Variants in WDR33 observed in about 807,000 individuals in gnomAD.
WDR33 encodes the protein pre-mRNA 3' end processing protein WDR33.
WDR33 carries 47 observed loss-of-function variants against 164.9 expected under a neutral mutation model. That is an observed-to-expected ratio of 0.29 (90% CI 0.23 to 0.36). The LOEUF is 0.36. Among genes scored for constraint, WDR33 ranks in the 10% least tolerant of loss-of-function variants. The pLI is 1.00. For synonymous variants in WDR33, 505 were observed against 589.0 expected, an observed-to-expected ratio of 0.86 and a Z score of 2.06; for missense variants, 1,137 against 1,754.1, an observed-to-expected ratio of 0.65 and a Z score of 6.28.
At position 127,720,678 on chromosome 2, in the gene WDR33, C is replaced by T. The variant is rs1200027795; in HGVS notation, c.1672-325G>A. 6.6e-6 allele frequency among the ~76,000 whole-genome samples: 1 copy of T among 152,128 alleles called. No homozygotes were observed. Reference sequence around the variant, plus strand: ...CTCCTGGGCTCAAGTGATCCTCCCACCTCGGCCTCCGGAGTAGCTGGGACT... The same window carrying T: ...CTCCTGGGCTCAAGTGATCCTCCCATCTCGGCCTCCGGAGTAGCTGGGACT... On this transcript the variant is annotated intron_variant, in intron 15 of 21. Coordinates refer to ENST00000322313, the MANE Select transcript of WDR33 (RefSeq NM_018383.5). This position sits in a 1 kb window ranked among gnomAD's most constrained non-coding sequence, Gnocchi z 5.9.
In WDR33 at chr2:127,726,890, A is replaced by T; in HGVS notation, c.725-113T>A. The T allele has an allele frequency of 7.1e-7, 1 of 1,417,230 alleles. No individual in the cohort carries two copies. Among genetic ancestry groups the T allele is most frequent in the Non-Finnish European group, 9.6e-7 (1 of 1,045,820 alleles). 87.8% of individuals were successfully genotyped at this position (1,417,230 alleles called of 1,614,324 possible). ...TTGCTCTCAGTGCTCAGTCAACTTAAAACTTGTTTTGTGAAGACTCTTTGG... is the reference window on the plus strand; with the variant it reads ...TTGCTCTCAGTGCTCAGTCAACTTATAACTTGTTTTGTGAAGACTCTTTGG... On this transcript the variant is annotated intron_variant, in intron 7 of 21. Transcript: ENST00000322313. This position sits in a 1 kb window ranked among gnomAD's most constrained non-coding sequence, Gnocchi z 4.8.
rs1332317266 is a variant in WDR33 at position 127,704,751 on chromosome 2, T to C, written c.*1572A>G. 6.0e-6 allele frequency: 1 copy of C among 167,140 alleles called. No individual in the cohort carries two copies. The highest frequency in any genetic ancestry group is 2.4e-5 in the African/African-American group (1 of 41,474). The allele number at this position is 167,140 out of a possible 1,614,324, so 10.4% of individuals were successfully genotyped here. ...GAACCAGTTAAATTTTCATATCCTG[T>C]TAAACTATATCAGTATGCCTTTTCT... On this transcript the variant is annotated 3_prime_UTR_variant, in exon 22 of 22. Coordinates refer to ENST00000322313, the MANE Select transcript of WDR33 (RefSeq NM_018383.5).
intron 1 of WDR33, among the ~76,000 whole-genome samples, chr2:127,782,276 C>T (rs1031092455): frequency 2.0e-5 from 3 of 151,838 alleles, no homozygotes; most frequent in Non-Finnish European, 4.4e-5. Context: ...GGGAAAGTTG[C>T]GCACATCTGT....
At chr2:127,737,614 G>C in intron 7 of WDR33, 1 of 1,005,706 alleles carries the variant, frequency 9.9e-7, no homozygotes, top group Non-Finnish European at 1.2e-6. Flanking sequence ...AGATGTATTA[G>C]TGCCAGCAGA....
At chr2:127,810,057 C>CAA (rs1689591607) in intron 1 of WDR33, among the ~76,000 whole-genome samples, 1 of 111,866 alleles carries the variant, frequency 8.9e-6, no homozygotes. Flanking sequence ...TATACATACA[C>CAA]ACACACATAT....
At position 127,726,655 on chromosome 2, in the gene WDR33, T is replaced by C; in HGVS notation, c.847A>G (p.Thr283Ala). ...WDPKTGQSLATLHAHKNTVME... is the reference protein window; with the variant it reads ...WDPKTGQSLAALHAHKNTVME... ...GGTGGGGTTCCTGTCACTTACAGTG[T>C]TGCAAGACTCTGCCCAGTCTTGGGA... The change falls in exon 8 of 22, where the codon ACA (threonine) becomes GCA (alanine). Residue 283 changes from threonine to alanine, a missense_variant. Transcript: ENST00000322313. This position sits in a 1 kb window ranked among gnomAD's most constrained non-coding sequence, Gnocchi z 4.8. 1 of 1,614,156 alleles carries C rather than the reference T, an allele frequency of 6.2e-7. No individual in the cohort carries two copies. Among genetic ancestry groups the C allele is most frequent in the Non-Finnish European group, 8.5e-7 (1 of 1,180,010 alleles).
chr2:127,764,539 TA>T lies in WDR33; in HGVS notation c.626+288del. 6.5e-7 allele frequency: 1 copy of T among 1,531,830 alleles called. No individual in the cohort carries two copies. The highest frequency in any genetic ancestry group is 2.2e-5 in the Admixed American group (1 of 45,088). 94.9% of individuals were successfully genotyped at this position (1,531,830 alleles called of 1,614,324 possible). On this transcript the variant is annotated intron_variant, in intron 6 of 21. Coordinates refer to ENST00000322313, the MANE Select transcript of WDR33 (RefSeq NM_018383.5). This position sits in a 1 kb window ranked among gnomAD's most constrained non-coding sequence, Gnocchi z 6.2. Reference sequence around the variant, plus strand: ...TTACACAGTAGATAATAAAAAGGAATAACGTATACACATTATTAATCATAAA... The same window carrying T: ...TTACACAGTAGATAATAAAAAGGAATACGTATACACATTATTAATCATAAA...
chr2:127,777,561 A>G (rs1688227611), intron 1 of WDR33, among the ~76,000 whole-genome samples: 2 of 152,210 alleles, frequency 1.3e-5, no homozygotes, highest in African/African-American at 2.4e-5. Context: ...TGACTATACT[A>G]TTGAACAGAA....
At chr2:127,750,633 A>G (rs1171102983) in intron 7 of WDR33, among the ~76,000 whole-genome samples, 1 of 128,826 alleles carries the variant, frequency 7.8e-6, no homozygotes, top group Non-Finnish European at 1.6e-5. Flanking sequence ...CTGGGCAACA[A>G]GAGTGAAACT....
chr2:127,752,018 G>C (rs999427119), intron 7 of WDR33, among the ~76,000 whole-genome samples: 1 of 152,178 alleles, frequency 6.6e-6, no homozygotes, highest in South Asian at 2.1e-4. Flanking sequence ...AGGGTAACAA[G>C]GAGAGTCCAA....
intron 1 of WDR33, among the ~76,000 whole-genome samples, chr2:127,775,079 C>CTG (rs148753227): frequency 0.021 from 3,234 of 152,196 alleles, 121 homozygotes; most frequent in African/African-American, 0.075. Context: ...CTGCAAAAAA[C>CTG]TGAATTTACC....
In WDR33 at chr2:127,717,628, T is replaced by C. The variant is rs933293869; in HGVS notation, c.2761-365A>G. 6.6e-6 allele frequency among the ~76,000 whole-genome samples: 1 copy of C among 152,228 alleles called. No homozygotes were observed. The highest frequency in any genetic ancestry group is 1.5e-5 in the Non-Finnish European group (1 of 68,044). ...GTGAAGCAACTTAGATTTCAGCATA[T>C]GAGAAATAAGAGCACAGATTTTCAT... On this transcript the variant is annotated intron_variant, in intron 16 of 21. Transcript: ENST00000322313. This position sits in a 1 kb window ranked among gnomAD's most constrained non-coding sequence, Gnocchi z 5.6.
chr2:127,786,844 CT>C (rs71307273), intron 1 of WDR33, among the ~76,000 whole-genome samples: 27,961 of 111,786 alleles, frequency 0.25, 3,173 homozygotes, highest in African/African-American at 0.36. Flanking sequence ...CCTTTCTGTT[CT>C]TTTTTTTTTT....
At chr2:127,745,691 C>T (rs1345403075) in intron 7 of WDR33, among the ~76,000 whole-genome samples, 1 of 151,962 alleles carries the variant, frequency 6.6e-6, no homozygotes, top group Non-Finnish European at 1.5e-5. Flanking sequence ...ACTTTATGGG[C>T]TTCATATTTT....
intron 2 of WDR33, among the ~76,000 whole-genome samples, chr2:127,769,770 TC>T (rs1456799732): frequency 7.9e-5 from 12 of 152,180 alleles, no homozygotes; most frequent in African/African-American, 2.9e-4. Flanking sequence ...TGCAAATAGG[TC>T]TTTAACCACA....
At chr2:127,760,263 G>T (rs2105429160) in intron 7 of WDR33, among the ~76,000 whole-genome samples, 1 of 152,242 alleles carries the variant, frequency 6.6e-6, no homozygotes, top group Non-Finnish European at 1.5e-5. Context: ...AATTATTTTG[G>T]ATTTTCTGAA....
At chr2:127,787,551 T>A (rs1308539603) in intron 1 of WDR33, among the ~76,000 whole-genome samples, 2 of 99,396 alleles carry the variant, frequency 2.0e-5, no homozygotes, top group Non-Finnish European at 4.0e-5. Flanking sequence ...CACCCCCACC[T>A]CCCTCCCGGA....
chr2:127,732,285 T>A lies in WDR33; in HGVS notation c.725-5508A>T, dbSNP rs1416536755. Among the ~76,000 whole-genome samples the A allele has an allele frequency of 2.0e-5, 3 of 152,014 alleles. No homozygotes were observed. In the East Asian group the frequency reaches 5.8e-4, roughly 29 times the overall value. ...TGGGAATAAGAGTGGCATTTACTCT[T>A]CTATACTCTTGAACTTTTTTCTTTT... is the stretch of plus-strand genomic sequence containing the variant. On this transcript the variant is annotated intron_variant, in intron 7 of 21. Transcript: ENST00000322313.
rs1686253812 is a variant in WDR33 at position 127,714,534 on chromosome 2, G to A, written c.2870-513C>T. Among the ~76,000 whole-genome samples the A allele has an allele frequency of 6.6e-6, 1 of 152,138 alleles. No homozygotes were observed. Among genetic ancestry groups the A allele is most frequent in the Non-Finnish European group, 1.5e-5 (1 of 68,024 alleles). Reference sequence around the variant, plus strand: ...TTGTTGCACTTGATTCCTCTGTAAGGTACATGCAATCACCAGCCTCTCAAA... The same window carrying A: ...TTGTTGCACTTGATTCCTCTGTAAGATACATGCAATCACCAGCCTCTCAAA... On this transcript the variant is annotated intron_variant, in intron 17 of 21. Transcript: ENST00000322313. The surrounding 1 kb of genome is among the most constrained non-coding windows in gnomAD (Gnocchi z 4.3).
Sources: allele counts gnomAD v4.1 joint callset (sites outside exome capture counted in the v4.1 genomes callset), GRCh38; gene constraint gnomAD v4.1.1; non-coding constraint Gnocchi (gnomAD v3.1); transcripts MANE v1.5; gene names NCBI Gene and HGNC (gene_info 2026-07-23, HGNC 2026-07-21).